ASAP1: variants seen among roughly 807,000 people sequenced by gnomAD.
ASAP1 encodes ArfGAP with SH3 domain, ankyrin repeat and PH domain 1, also known as arf-GAP with SH3 domain, ANK repeat and PH domain-containing protein 1.
ASAP1 carries 43 observed loss-of-function variants against 145.2 expected under a neutral mutation model. The ratio of observed to expected loss-of-function variants is 0.30; its 90% confidence interval spans 0.23 to 0.38. The LOEUF is 0.38. Among genes scored for constraint, ASAP1 ranks in the 10% least tolerant of loss-of-function variants. The pLI is 1.00. For synonymous variants in ASAP1, 546 were observed against 515.5 expected (o/e 1.06, Z -0.80); for missense variants, 1,018 against 1,355.3 (o/e 0.75, Z 3.91).
chr8:130,334,545 T>G (rs1027392247), intron 3 of ASAP1, among the ~76,000 whole-genome samples: 1 of 152,256 alleles, frequency 6.6e-6, no homozygotes, highest in Admixed American at 6.5e-5. Flanking sequence ...CTTCATATTA[T>G]TCTACAGTTC....
intron 15 of ASAP1, among the ~76,000 whole-genome samples, 178 bp downstream of exon 15, chr8:130,134,118 C>T (rs899644565): frequency 6.6e-6 from 1 of 152,124 alleles, no homozygotes; most frequent in East Asian, 1.9e-4. Flanking sequence ...ATTGAGTAGA[C>T]AAGAGGGAGA....
chr8:130,222,771 T>C (rs1817368006), intron 4 of ASAP1, among the ~76,000 whole-genome samples: 1 of 152,232 alleles, frequency 6.6e-6, no homozygotes, highest in South Asian at 2.1e-4. Flanking sequence ...TCGTTCAGTG[T>C]TCACAATTTA....
intron 25 of ASAP1, among the ~76,000 whole-genome samples, chr8:130,090,850 C>G (rs1190673148): frequency 6.6e-6 from 1 of 152,152 alleles, no homozygotes; most frequent in African/African-American, 2.4e-5. Context: ...TGACAATCAG[C>G]AACGGGACAA....
intron 25 of ASAP1, among the ~76,000 whole-genome samples, chr8:130,081,471 C>G (rs1227157348): frequency 6.6e-6 from 1 of 152,176 alleles, no homozygotes; most frequent in East Asian, 1.9e-4. Flanking sequence ...TTGTTCTCTT[C>G]TTTCAGCAGC....
intron 3 of ASAP1, among the ~76,000 whole-genome samples, chr8:130,261,029 T>C (rs1301319163): frequency 2.0e-5 from 3 of 152,124 alleles, no homozygotes; most frequent in Non-Finnish European, 4.4e-5. Context: ...TTCAATTATA[T>C]ATTCTCAAAA....
At chr8:130,263,842 G>T (rs1820085809) in intron 3 of ASAP1, among the ~76,000 whole-genome samples, 1 of 152,160 alleles carries the variant, frequency 6.6e-6, no homozygotes, top group Non-Finnish European at 1.5e-5. Context: ...CAACAAATTT[G>T]CCTTGAAAAG....
Position 130,054,480 on chromosome 8 carries a change from G to A in ASAP1, c.*251C>T. On this transcript the variant is annotated 3_prime_UTR_variant, in exon 30 of 30. Coordinates refer to ENST00000518721, the MANE Select transcript of ASAP1 (RefSeq NM_018482.4). ...GTTTGCTTGTAGAACAGCATAGAGA[G>A]ATGTAAGTGCTAGATGCCAAGGATG... 7.2e-6 allele frequency: 3 copies of A among 414,902 alleles called. No homozygotes were observed. Among genetic ancestry groups the A allele is most frequent in the South Asian group, 4.9e-5 (2 of 40,534 alleles). The allele number at this position is 414,902 out of a possible 1,614,324, so 25.7% of individuals were successfully genotyped here.
At chr8:130,325,178 T>A (rs1324209512) in intron 3 of ASAP1, among the ~76,000 whole-genome samples, 4 of 152,244 alleles carry the variant, frequency 2.6e-5, no homozygotes, top group Admixed American at 1.3e-4. Flanking sequence ...AAAACTCAGA[T>A]GAGTTCACAT....
At position 130,060,889 on chromosome 8, in the gene ASAP1, T is replaced by A. The variant is rs780390053; in HGVS notation, c.2882A>T (p.Glu961Val). The change falls in exon 28 of 30, where the codon GAA becomes GTA. Residue 961 changes from glutamate (E) to valine (V), a missense_variant. This residue lies in a region of ASAP1 where 139 missense variants were observed against 131.0 expected (regional missense o/e 1.06). Coordinates refer to ENST00000518721, the MANE Select transcript of ASAP1 (RefSeq NM_018482.4). ...CCCCAGCTGTGGTTTGGGGGGCAGT[T>A]CTCCTGGCTTAGGCGGCAAATCTCC... ...QIGDLPPKPGELPPKPQLGDL... is the reference protein window; with the variant it reads ...QIGDLPPKPGVLPPKPQLGDL... The A allele has an allele frequency of 6.3e-5, 101 of 1,613,326 alleles. No individual in the cohort carries two copies. The Admixed American group carries it at 1.7e-3, about 27-fold the overall frequency.
At chr8:130,353,330 A>G (rs905218062) in intron 3 of ASAP1, among the ~76,000 whole-genome samples, 1 of 152,200 alleles carries the variant, frequency 6.6e-6, no homozygotes. Context: ...TTTAAATCTG[A>G]AAACTCATAT....
chr8:130,306,166 C>T (rs978291129), intron 3 of ASAP1, among the ~76,000 whole-genome samples: 20 of 152,180 alleles, frequency 1.3e-4, no homozygotes, highest in African/African-American at 3.9e-4. Context: ...ACTAACCTCA[C>T]GGGTTTCTTA....
intron 3 of ASAP1, among the ~76,000 whole-genome samples, chr8:130,273,691 C>T (rs1820714595): frequency 6.6e-6 from 1 of 152,152 alleles, no homozygotes. Context: ...CTAAAGATGA[C>T]AGAGCTGGTG....
chr8:130,398,765 GCA>G (rs1417040054), intron 2 of ASAP1, among the ~76,000 whole-genome samples: 1 of 152,212 alleles, frequency 6.6e-6, no homozygotes, highest in African/African-American at 2.4e-5. Flanking sequence ...AGAAGCCGAG[GCA>G]CAGAGAAGTT....
intron 2 of ASAP1, among the ~76,000 whole-genome samples, chr8:130,383,403 T>C (rs557013199): frequency 6.6e-6 from 1 of 152,212 alleles, no homozygotes; most frequent in South Asian, 2.1e-4. Context: ...GTAGAGACCA[T>C]CAAGGGGAGA....
chr8:130,146,420 T>C (rs1046748665), intron 13 of ASAP1, among the ~76,000 whole-genome samples: 12 of 152,182 alleles, frequency 7.9e-5, no homozygotes, highest in Non-Finnish European at 1.5e-5. Flanking sequence ...GCTCTAAATT[T>C]GTGAGCCTGG....
At chr8:130,169,805 T>A (rs1208397785) in intron 9 of ASAP1, among the ~76,000 whole-genome samples, 3 of 152,196 alleles carry the variant, frequency 2.0e-5, no homozygotes, top group Non-Finnish European at 4.4e-5. Context: ...AGAGTATGTA[T>A]AAAACTTGGT....
chr8:130,095,744 G>T (rs914078682), intron 24 of ASAP1, among the ~76,000 whole-genome samples: 2 of 150,726 alleles, frequency 1.3e-5, no homozygotes, highest in Admixed American at 6.6e-5. Context: ...TCAGCCTCCT[G>T]AGTAGCTGGG....
intron 27 of ASAP1, among the ~76,000 whole-genome samples, chr8:130,062,766 A>G (rs761455206): frequency 1.3e-5 from 2 of 152,252 alleles, no homozygotes; most frequent in Admixed American, 6.5e-5. Context: ...AGTACTGCTT[A>G]TAACGAAAAA....
intron 2 of ASAP1, among the ~76,000 whole-genome samples, chr8:130,378,963 T>G (rs926639304): frequency 6.6e-6 from 1 of 152,226 alleles, no homozygotes; most frequent in East Asian, 1.9e-4. Context: ...ATTTGGTCTT[T>G]GTCCTTGACT....
Sources: gnomAD v4.1 joint callset for allele counts (sites outside exome capture counted in the v4.1 genomes callset) on GRCh38, gnomAD v4.1.1 for gene constraint, gnomAD v4.1.1 regional missense constraint, MANE v1.5 for transcripts, NCBI Gene and HGNC (gene_info 2026-07-23, HGNC 2026-07-21) for gene names.